SZT2: variants seen among roughly 807,000 people sequenced by gnomAD.
SZT2 encodes SZT2 subunit of KICSTOR complex.
A neutral mutation model predicts 404.2 loss-of-function variants in SZT2; 216 were observed. The observed-to-expected ratio is 0.53, with a 90% CI of 0.48 to 0.60. The LOEUF (loss-of-function observed/expected upper bound fraction) is 0.60, where lower values mean the gene tolerates loss of function less well. Among genes scored for constraint, SZT2 ranks in the 20% least tolerant of loss-of-function variants. The pLI, the probability that SZT2 is intolerant of heterozygous loss-of-function variation, is 0.00. For synonymous variants in SZT2, 1,693 were observed against 1,749.9 expected, an observed-to-expected ratio of 0.97 and a Z score of 0.81; for missense variants, 3,857 against 4,459.2, an observed-to-expected ratio of 0.86 and a Z score of 3.85.
At chr1:43,434,182 CTT>C (rs1427724660) in intron 40 of SZT2, among the ~76,000 whole-genome samples, 2 of 152,204 alleles carry the variant, frequency 1.3e-5, no homozygotes, top group African/African-American at 4.8e-5. Flanking sequence ...CAGAACTGCT[CTT>C]GAGAATTCCG....
rs1656562915 is a variant in SZT2 at position 43,452,576 on chromosome 1, C to T, written c.*2096C>T. On this transcript the variant is annotated 3_prime_UTR_variant, in exon 72 of 72. Coordinates refer to ENST00000634258, the MANE Select transcript of SZT2 (RefSeq NM_001365999.1). ...TTCCAAAACCTTTCCTTCCCTCGGT[C>T]CTTCTCCGCAACCTGTAACCTGCTA... is the stretch of plus-strand genomic sequence containing the variant. 3.3e-6 allele frequency: 2 copies of T among 611,476 alleles called. No homozygotes were observed. The highest frequency in any genetic ancestry group is 2.9e-6 in the Non-Finnish European group (1 of 339,740). 37.9% of individuals were successfully genotyped at this position (611,476 alleles called of 1,614,324 possible). A position where few individuals can be genotyped will look rare whatever the true frequency, so the allele number is the denominator to read the frequency against.
In SZT2 at chr1:43,423,140, C is replaced by T. The variant is rs534240764; in HGVS notation, c.2079C>T (p.Phe693=). 1.9e-6 allele frequency: 3 copies of T among 1,596,520 alleles called. No homozygotes were observed. The highest frequency in any genetic ancestry group is 4.5e-5 in the East Asian group (2 of 44,800). Reference sequence around the variant, plus strand: ...GGGAAGAGATCCTGCGGCTGCGTTTCCCCCACCGGGTACAAAGCAAGGAGC... The same window carrying T: ...GGGAAGAGATCCTGCGGCTGCGTTTTCCCCACCGGGTACAAAGCAAGGAGC... ...GLREEILRLR[F]PHRVQSKEPT... The change falls in exon 15 of 72, where the codon TTC becomes TTT. Residue 693 remains phenylalanine (F), a synonymous_variant. Transcript: ENST00000634258.
Position 43,442,806 on chromosome 1 carries a change from C to T in SZT2, c.8152-13C>T, listed in dbSNP as rs373321294. ...CAAAGGCTATGAACCCATTGCAATG[C>T]TCCATCTCTCAGGAGCCAAACCCAT... On this transcript the variant is annotated splice_polypyrimidine_tract_variant and intron_variant, in intron 58 of 71. Transcript: ENST00000634258. This position sits in a 1 kb window ranked among gnomAD's most constrained non-coding sequence, Gnocchi z 4.5. 6 of 1,587,078 alleles carry T rather than the reference C, an allele frequency of 3.8e-6. No individual in the cohort carries two copies. In the African/African-American group the frequency reaches 4.0e-5, roughly 11 times the overall value.
At chr1:43,407,227 G>A (rs1286694368) in intron 4 of SZT2, among the ~76,000 whole-genome samples, 3 of 152,140 alleles carry the variant, frequency 2.0e-5, no homozygotes, top group African/African-American at 7.2e-5. Context: ...ATCCTGGCTG[G>A]GCGCAGTGGC....
At position 43,439,136 on chromosome 1, in the gene SZT2, GC is replaced by G. The variant is rs1323797721; in HGVS notation, c.6792+48del. ...TCTCTCCACACTCATGTGCACCCCTGCCCCCTGCCCCACGCACTTACTCTTT... is the reference window on the plus strand; with the variant it reads ...TCTCTCCACACTCATGTGCACCCCTGCCCCTGCCCCACGCACTTACTCTTT... On this transcript the variant is annotated intron_variant, in intron 48 of 71. Coordinates refer to ENST00000634258, the MANE Select transcript of SZT2 (RefSeq NM_001365999.1). This position sits in a 1 kb window ranked among gnomAD's most constrained non-coding sequence, Gnocchi z 4.2. 1 of 1,611,158 alleles carries G rather than the reference GC, an allele frequency of 6.2e-7. No homozygotes were observed. Among genetic ancestry groups the G allele is most frequent in the Non-Finnish European group, 8.5e-7 (1 of 1,178,180 alleles).
At position 43,452,545 on chromosome 1, in the gene SZT2, A is replaced by G; in HGVS notation, c.*2065A>G. On this transcript the variant is annotated 3_prime_UTR_variant, in exon 72 of 72. Transcript: ENST00000634258. ...TGTCCACCCACCGCCTCCTGCCTCC[A>G]GTACTTTCCAAAACCTTTCCTTCCC... 2 of 639,694 alleles carry G rather than the reference A, an allele frequency of 3.1e-6. No homozygotes were observed. Among genetic ancestry groups the G allele is most frequent in the Admixed American group, 4.6e-5 (2 of 43,346 alleles). 39.6% of individuals were successfully genotyped at this position (639,694 alleles called of 1,614,324 possible).
At position 43,428,503 on chromosome 1, in the gene SZT2, A is replaced by G. The variant is rs1355405061; in HGVS notation, c.4166+17A>G. The G allele has an allele frequency of 6.2e-7, 1 of 1,610,246 alleles. No individual in the cohort carries two copies. ...TGAATCCAGGTTAGGATTATACTTG[A>G]ATGATGGATAAGGGGGTACACAGAC... On this transcript the variant is annotated intron_variant, in intron 28 of 71. Transcript: ENST00000634258.
chr1:43,424,575 C>A lies in SZT2; in HGVS notation c.2471+143C>A. ...AGAGCAGCATCTGCTACTGCCCTCC[C>A]TGTCTCCTCCCATCACCCGATTTGT... On this transcript the variant is annotated intron_variant, in intron 16 of 71. Coordinates refer to ENST00000634258, the MANE Select transcript of SZT2 (RefSeq NM_001365999.1). This position sits in a 1 kb window ranked among gnomAD's most constrained non-coding sequence, Gnocchi z 4.1. The A allele has an allele frequency of 1.1e-6, 1 of 937,374 alleles. No homozygotes were observed. Among genetic ancestry groups the A allele is most frequent in the Non-Finnish European group, 1.6e-6 (1 of 627,230 alleles). 58.1% of individuals were successfully genotyped at this position (937,374 alleles called of 1,614,324 possible).
chr1:43,403,654 G>C lies in SZT2; in HGVS notation c.207G>C (p.Gln69His). ...EVLSVLPPGW[Q>H]PDEPVVPRPF... ...TCAGTGTCCTGCCCCCTGGGTGGCA[G>C]CCAGATGAACCAGTGGTCCCAAGGC... Residue 69 changes from glutamine to histidine, a missense_variant, in exon 3 of 72, where the codon CAG (glutamine) becomes CAC (histidine). Transcript: ENST00000634258. 1 of 1,614,176 alleles carries C rather than the reference G, an allele frequency of 6.2e-7. No homozygotes were observed.
At chr1:43,432,830 A>T (rs1654058928) in intron 39 of SZT2, 31 bp downstream of exon 39, 1 of 1,611,612 alleles carries the variant, frequency 6.2e-7, no homozygotes, top group Non-Finnish European at 8.5e-7. Flanking sequence ...GAAGGACTCT[A>T]AGCTGATGGG....
chr1:43,437,074 G>A lies in SZT2; in HGVS notation c.6035-97G>A. ...TCTGCAATAGTCAGGGATGAGTCTG[G>A]AGGAGTGAGGACAAGTAGGCCAGTT... On this transcript the variant is annotated intron_variant, in intron 42 of 71. Coordinates refer to ENST00000634258, the MANE Select transcript of SZT2 (RefSeq NM_001365999.1). This position sits in a 1 kb window ranked among gnomAD's most constrained non-coding sequence, Gnocchi z 5.3. 5 of 1,480,254 alleles carry A rather than the reference G, an allele frequency of 3.4e-6. No individual in the cohort carries two copies. Among genetic ancestry groups the A allele is most frequent in the Non-Finnish European group, 4.6e-6 (5 of 1,082,690 alleles). 91.7% of individuals were successfully genotyped at this position (1,480,254 alleles called of 1,614,324 possible).
Position 43,450,439 on chromosome 1 carries a change from A to G in SZT2, c.10258A>G (p.Ile3420Val). The G allele has an allele frequency of 6.2e-7, 1 of 1,614,050 alleles. No homozygotes were observed. The stretch of plus-strand genomic sequence containing the variant: ...CACCTACCACCACCTGGAGTCTGTC[A>G]TCAACACAGCCTGTTTCACCCTCTG... Reference protein sequence around the residue: ...VSTYHHLESVINTACFTLWTR... With the variant: ...VSTYHHLESVVNTACFTLWTR... Residue 3420 changes from isoleucine to valine, a missense_variant, in exon 72 of 72, where the codon ATC becomes GTC. Ile to Val is a conservative substitution (Grantham distance 29). Transcript: ENST00000634258. This position sits in a 1 kb window ranked among gnomAD's most constrained non-coding sequence, Gnocchi z 4.3.
chr1:43,451,332 C>T lies in SZT2; in HGVS notation c.*852C>T, dbSNP rs751323087. Reference sequence around the variant, plus strand: ...GTCTCCTGCAGGGAGAGGGAGGCCTCGGCACCTCAGCCCACAAGGAGAAAA... The same window carrying T: ...GTCTCCTGCAGGGAGAGGGAGGCCTTGGCACCTCAGCCCACAAGGAGAAAA... On this transcript the variant is annotated 3_prime_UTR_variant, in exon 72 of 72. Transcript: ENST00000634258. The T allele has an allele frequency of 5.5e-5, 88 of 1,613,034 alleles. No homozygotes were observed. Among genetic ancestry groups the T allele is most frequent in the Non-Finnish European group, 6.8e-5 (80 of 1,179,970 alleles).
In SZT2 at chr1:43,422,522, C is replaced by G; in HGVS notation, c.1812C>G (p.Arg604=). ...KHLHTPGSNG[R]YSTIQCRISH... ...TGCACACCCCGGGCAGCAATGGGCG[C>G]TACAGCACTATCCAGTGCAGGATCT... The change falls in exon 13 of 72, where the codon CGC becomes CGG. Residue 604 remains arginine (R), a synonymous_variant. Coordinates refer to ENST00000634258, the MANE Select transcript of SZT2 (RefSeq NM_001365999.1). 1 of 1,597,688 alleles carries G rather than the reference C, an allele frequency of 6.3e-7. No homozygotes were observed.
At chr1:43,427,002 CAG>C (rs760521305) in intron 23 of SZT2, 52 bp from the exon 24 acceptor site, 17 of 1,605,478 alleles carry the variant, frequency 1.1e-5, no homozygotes, top group Admixed American at 1.7e-5. Flanking sequence ...AGGAGGGGAA[CAG>C]GGGTTGGACA....
rs1242289577 is a variant in SZT2 at position 43,446,208 on chromosome 1, C to G, written c.8946C>G (p.His2982Gln). The G allele has an allele frequency of 8.1e-6, 13 of 1,614,142 alleles. No individual in the cohort carries two copies. The highest frequency in any genetic ancestry group is 1.1e-5 in the Non-Finnish European group (13 of 1,180,054). The change falls in exon 64 of 72, where the codon CAC (histidine) becomes CAG (glutamine). Residue 2982 changes from histidine (H) to glutamine (Q), a missense_variant. Physicochemically the swap from His to Gln is conservative, Grantham distance 24. Coordinates refer to ENST00000634258, the MANE Select transcript of SZT2 (RefSeq NM_001365999.1). ...KSTSSPVTTY[H>Q]LQRALPGGII... ...CTAGCTCTCCGGTAACCACCTACCACCTGCAGCGGGCACTGCCTGGGGGCA... is the reference window on the plus strand; with the variant it reads ...CTAGCTCTCCGGTAACCACCTACCAGCTGCAGCGGGCACTGCCTGGGGGCA...
chr1:43,430,477 A>C lies in SZT2; in HGVS notation c.4481-19A>C. ...CCACTGCCAGCCTCTCTCATTGACCATGTGACATGCACTACTAGGAGACAC... is the reference window on the plus strand; with the variant it reads ...CCACTGCCAGCCTCTCTCATTGACCCTGTGACATGCACTACTAGGAGACAC... On this transcript the variant is annotated intron_variant, in intron 31 of 71. Transcript: ENST00000634258. 4 of 1,611,304 alleles carry C rather than the reference A, an allele frequency of 2.5e-6. No individual in the cohort carries two copies. The highest frequency in any genetic ancestry group is 2.5e-6 in the Non-Finnish European group (3 of 1,177,850).
In SZT2 at chr1:43,442,076, C is replaced by T; in HGVS notation, c.7819C>T (p.His2607Tyr). The part of the protein sequence containing the change: ...GPSPRPAAER[H>Y]LLLLGRNFLQ... Reference sequence around the variant, plus strand: ...CTCTCCCCGCCCTGCAGCTGAGCGGCATCTGCTGCTTCTGGGAAGGAACTT... The same window carrying T: ...CTCTCCCCGCCCTGCAGCTGAGCGGTATCTGCTGCTTCTGGGAAGGAACTT... Residue 2607 changes from histidine (H) to tyrosine (Y), a missense_variant, in exon 56 of 72, where the codon CAT becomes TAT. Around this residue, in one of 7 missense-constraint regions of SZT2, gnomAD observed 573 missense variants for 592.4 expected, o/e 0.97. Coordinates refer to ENST00000634258, the MANE Select transcript of SZT2 (RefSeq NM_001365999.1). This position sits in a 1 kb window ranked among gnomAD's most constrained non-coding sequence, Gnocchi z 4.5. 1.9e-6 allele frequency: 3 copies of T among 1,613,986 alleles called. No homozygotes were observed. The highest frequency in any genetic ancestry group is 2.5e-6 in the Non-Finnish European group (3 of 1,179,982).
Position 43,437,734 on chromosome 1 carries a change from G to A in SZT2, c.6396+34G>A. On this transcript the variant is annotated intron_variant, in intron 45 of 71. Coordinates refer to ENST00000634258, the MANE Select transcript of SZT2 (RefSeq NM_001365999.1). This position sits in a 1 kb window ranked among gnomAD's most constrained non-coding sequence, Gnocchi z 5.3. ...CACTCCCACTCTCTGATGCCCCTGT[G>A]TTCCTCTTGCACTTTGCTCTCTGGA... The A allele has an allele frequency of 6.2e-7, 1 of 1,614,086 alleles. No homozygotes were observed. The highest frequency in any genetic ancestry group is 8.5e-7 in the Non-Finnish European group (1 of 1,179,980).
Sources: allele counts gnomAD v4.1 joint callset (sites outside exome capture counted in the v4.1 genomes callset), GRCh38; gene constraint gnomAD v4.1.1; regional missense constraint gnomAD v4.1.1; non-coding constraint Gnocchi (gnomAD v3.1); transcripts MANE v1.5; gene names NCBI Gene and HGNC (gene_info 2026-07-23, HGNC 2026-07-21).